The following ARMC3 variants were observed in gnomAD, a reference collection of about 807,000 sequenced individuals.
ARMC3 encodes armadillo repeat-containing protein 3.
A neutral mutation model predicts 90.3 loss-of-function variants in ARMC3; 74 were observed. The ratio of observed to expected loss-of-function variants is 0.82; its 90% CI spans 0.68 to 0.99. The LOEUF (loss-of-function observed/expected upper bound fraction) is 0.99. ARMC3 is among the 50% of genes least tolerant of loss of function. The pLI is 0.00. For missense variants in ARMC3, 958 were observed against 1,042.8 expected (o/e 0.92, Z 1.12); for synonymous variants, 334 against 361.8 (o/e 0.92, Z 0.87).
intron 3 of ARMC3, among the ~76,000 whole-genome samples, chr10:22,948,671 G>A (rs117335949): frequency 0.011 from 1,661 of 152,162 alleles, 15 homozygotes; most frequent in Non-Finnish European, 0.015. Flanking sequence ...GGAAACAAGG[G>A]AAGTAAACCC....
intron 10 of ARMC3, among the ~76,000 whole-genome samples, chr10:22,987,532 T>C (rs960793863): frequency 4.6e-5 from 7 of 152,194 alleles, no homozygotes; most frequent in Admixed American, 2.0e-4. Context: ...TTTCAAAAGA[T>C]GCAATTATCT....
In ARMC3 at chr10:23,030,810, G is replaced by A; in HGVS notation, c.2246+14G>A. ...GGATCTGGCAAAGTAAGTTGTCTAT[G>A]TATATATGTGTTTTTAATTTCTGAA... is the stretch of plus-strand genomic sequence containing the variant. On this transcript the variant is annotated intron_variant, in intron 17 of 18. Coordinates refer to ENST00000298032, the MANE Select transcript of ARMC3 (RefSeq NM_173081.5). 1 of 1,604,306 alleles carries A rather than the reference G, an allele frequency of 6.2e-7. No individual in the cohort carries two copies. Among genetic ancestry groups the A allele is most frequent in the Non-Finnish European group, 8.5e-7 (1 of 1,175,830 alleles).
At position 22,995,605 on chromosome 10, in the gene ARMC3, AG is replaced by A. The variant is rs575562016; in HGVS notation, c.1176-2542del. ...CTCCATCAAGAGCAAAGAAAAGAGC[AG>A]AAGGTAGAGATATAAATGAACCAAG... On this transcript the variant is annotated intron_variant, in intron 10 of 18. Coordinates refer to ENST00000298032, the MANE Select transcript of ARMC3 (RefSeq NM_173081.5). Among the ~76,000 whole-genome samples the A allele has an allele frequency of 2.6e-5, 4 of 152,358 alleles. No individual in the cohort carries two copies. The East Asian group carries it at 7.7e-4, about 29-fold the overall frequency.
rs1176505640 is a variant in ARMC3 at position 22,981,645 on chromosome 10, G to A, written c.1120G>A (p.Glu374Lys). The A allele has an allele frequency of 6.2e-7, 1 of 1,614,152 alleles. No individual in the cohort carries two copies. The highest frequency in any genetic ancestry group is 8.5e-7 in the Non-Finnish European group (1 of 1,180,016). Residue 374 changes from glutamate to lysine, a missense_variant, in exon 10 of 19, where the codon GAA becomes AAA. Coordinates refer to ENST00000298032, the MANE Select transcript of ARMC3 (RefSeq NM_173081.5). The part of the protein sequence containing the change: ...LLKSDNEEVR[E>K]AAALALANLT... ...AAAAAGTGACAATGAAGAGGTACGG[G>A]AAGCAGCAGCTCTAGCCCTGGCAAA...
intron 8 of ARMC3, among the ~76,000 whole-genome samples, chr10:22,979,443 C>T (rs545138197): frequency 1.3e-5 from 2 of 152,280 alleles, no homozygotes; most frequent in African/African-American, 4.8e-5. Flanking sequence ...TAATTGCCCT[C>T]AGTATCTATT....
At chr10:22,983,738 G>A (rs1836288072) in intron 10 of ARMC3, among the ~76,000 whole-genome samples, 1 of 152,174 alleles carries the variant, frequency 6.6e-6, no homozygotes, top group South Asian at 2.1e-4. Flanking sequence ...GGTTGCAAAA[G>A]ATTCTGGAGT....
Position 22,998,405 on chromosome 10 carries a change from T to G in ARMC3, c.1425+8T>G, listed in dbSNP as rs887775090. On this transcript the variant is annotated splice_region_variant and intron_variant, in intron 11 of 18. Coordinates refer to ENST00000298032, the MANE Select transcript of ARMC3 (RefSeq NM_173081.5). ...GTTGAAGCCCGGACTGAGGTGAGAA[T>G]TTTAATAACATGTGTTCTCTCATTT... 3 of 1,613,334 alleles carry G rather than the reference T, an allele frequency of 1.9e-6. No homozygotes were observed. The highest frequency in any genetic ancestry group is 4.5e-5 in the East Asian group (2 of 44,878).
chr10:22,948,893 A>C (rs186471664), intron 3 of ARMC3, among the ~76,000 whole-genome samples: 1 of 152,326 alleles, frequency 6.6e-6, no homozygotes, highest in Non-Finnish European at 1.5e-5. Flanking sequence ...TGTATTTAGA[A>C]GAGTAGTGAA....
At chr10:22,944,944 G>A (rs1834467834) in intron 2 of ARMC3, among the ~76,000 whole-genome samples, 2 of 152,142 alleles carry the variant, frequency 1.3e-5, no homozygotes, top group African/African-American at 4.8e-5. Flanking sequence ...AAGGGTCTAC[G>A]AGCTTTAAGA....
intron 16 of ARMC3, among the ~76,000 whole-genome samples, chr10:23,021,790 G>T (rs1838524452): frequency 6.6e-6 from 1 of 152,166 alleles, no homozygotes; most frequent in Non-Finnish European, 1.5e-5. Context: ...TTACTCTGTT[G>T]ATAGTTTCTT....
intron 8 of ARMC3, among the ~76,000 whole-genome samples, chr10:22,975,749 C>A (rs532100256): frequency 1.3e-5 from 2 of 152,254 alleles, no homozygotes; most frequent in Admixed American, 6.5e-5. Flanking sequence ...CACAGGCAAG[C>A]CTTTTGATCT....
At chr10:23,033,067 T>G (rs751213738) in intron 18 of ARMC3, 44 bp downstream of exon 18, 76 of 1,592,384 alleles carry the variant, frequency 4.8e-5, no homozygotes, top group Non-Finnish European at 6.3e-5. Flanking sequence ...GTAAAAATGC[T>G]TTGTCTTTAT....
chr10:22,959,999 T>G, intron 6 of ARMC3: 1 of 356,932 alleles, frequency 2.8e-6, no homozygotes, highest in Non-Finnish European at 5.4e-6. Context: ...CTAGTGATTT[T>G]TCATTTTTGA....
chr10:22,944,545 T>C (rs1048101526), intron 2 of ARMC3, among the ~76,000 whole-genome samples: 1 of 152,174 alleles, frequency 6.6e-6, no homozygotes, highest in African/African-American at 2.4e-5. Context: ...GCCATATGTT[T>C]TGCACTTCAT....
At chr10:23,011,676 G>C (rs561754239) in intron 16 of ARMC3, among the ~76,000 whole-genome samples, 2 of 152,050 alleles carry the variant, frequency 1.3e-5, no homozygotes, top group Non-Finnish European at 2.9e-5. Flanking sequence ...TTCCTTGCTT[G>C]CTTTTTTTTT....
At chr10:22,989,589 A>C (rs1425798025) in intron 10 of ARMC3, among the ~76,000 whole-genome samples, 1 of 152,196 alleles carries the variant, frequency 6.6e-6, no homozygotes, top group Non-Finnish European at 1.5e-5. Context: ...TAATTTCATA[A>C]GTTTTTAGGA....
chr10:22,998,655 AT>A (rs748720547), intron 11 of ARMC3, among the ~76,000 whole-genome samples: 3 of 152,210 alleles, frequency 2.0e-5, no homozygotes, highest in Non-Finnish European at 2.9e-5. Context: ...ACCAGGAAGC[AT>A]TGTTTATAAT....
At chr10:22,943,915 CAG>C (rs1834420176) in intron 2 of ARMC3, among the ~76,000 whole-genome samples, 1 of 146,746 alleles carries the variant, frequency 6.8e-6, no homozygotes, top group Admixed American at 6.8e-5. Context: ...GCCTGGGCGA[CAG>C]AGTGAGACTC....
chr10:23,002,629 C>A (rs1837361699), intron 12 of ARMC3, among the ~76,000 whole-genome samples: 1 of 145,370 alleles, frequency 6.9e-6, no homozygotes. Flanking sequence ...TTGGCAGAGT[C>A]TCGCTCTGTT....
Sources: gnomAD v4.1 joint callset for allele counts (sites outside exome capture counted in the v4.1 genomes callset) on GRCh38, gnomAD v4.1.1 for gene constraint, MANE v1.5 for transcripts, NCBI Gene and HGNC (gene_info 2026-07-23, HGNC 2026-07-21) for gene names.